The following LAMA2 variants were observed in gnomAD, a reference collection of about 807,000 sequenced individuals.
The protein encoded by LAMA2 is laminin subunit alpha 2, also known as laminin subunit alpha-2.
A neutral mutation model predicts 364.8 loss-of-function variants in LAMA2; 269 were observed. The ratio of observed to expected loss-of-function variants is 0.74; its 90% CI spans 0.67 to 0.82. The LOEUF is 0.82. Among genes scored for constraint, LAMA2 ranks in the 40% least tolerant of loss-of-function variants. LAMA2 has a pLI of 0.00. For synonymous variants in LAMA2, 1,379 were observed against 1,370.6 expected (o/e 1.01, Z -0.14); for missense variants, 3,807 against 3,873.2 (o/e 0.98, Z 0.45).
chr6:129,112,770 T>C (rs1262884002), intron 4 of LAMA2, among the ~76,000 whole-genome samples: 1 of 151,402 alleles, frequency 6.6e-6, no homozygotes, highest in Non-Finnish European at 1.5e-5. Flanking sequence ...GGGAACTGTG[T>C]GGTTGCCACA....
At chr6:129,042,696 C>A (rs1459267095) in intron 1 of LAMA2, among the ~76,000 whole-genome samples, 1 of 152,102 alleles carries the variant, frequency 6.6e-6, no homozygotes, top group Non-Finnish European at 1.5e-5. Context: ...CAAAGGCAAC[C>A]ATTTTTCCTG....
intron 34 of LAMA2, among the ~76,000 whole-genome samples, chr6:129,372,276 C>T (rs1456241686): frequency 2.6e-5 from 4 of 152,190 alleles, no homozygotes; most frequent in East Asian, 1.9e-4. Flanking sequence ...TTTTACTGCC[C>T]GAAAACTCCT....
chr6:129,081,614 GA>G (rs1441944641), intron 3 of LAMA2, among the ~76,000 whole-genome samples: 2 of 152,150 alleles, frequency 1.3e-5, no homozygotes, highest in African/African-American at 4.8e-5. Context: ...ATTTGAGAAA[GA>G]TTATCATTGG....
At chr6:129,252,420 C>T in intron 14 of LAMA2, 125 bp downstream of exon 14, 1 of 706,144 alleles carries the variant, frequency 1.4e-6, no homozygotes, top group Non-Finnish European at 2.5e-6. Context: ...CAGATAAGAA[C>T]GGAGCCCTAG....
chr6:129,434,319 A>G (rs1049099725), intron 41 of LAMA2, among the ~76,000 whole-genome samples: 1 of 152,068 alleles, frequency 6.6e-6, no homozygotes, highest in Non-Finnish European at 1.5e-5. Flanking sequence ...CCATTCCCTC[A>G]TTGTGAGTCC....
intron 4 of LAMA2, among the ~76,000 whole-genome samples, chr6:129,132,237 G>A (rs1384206339): frequency 2.0e-5 from 3 of 151,300 alleles, no homozygotes; most frequent in African/African-American, 7.3e-5. Context: ...CACAATCTCG[G>A]CTCACTGCAA....
chr6:129,015,701 A>C (rs1785025862), intron 1 of LAMA2, among the ~76,000 whole-genome samples: 1 of 152,078 alleles, frequency 6.6e-6, no homozygotes. Context: ...CTTTTTATGT[A>C]GTCTGCACTA....
chr6:129,042,541 C>A (rs1045351770), intron 1 of LAMA2, among the ~76,000 whole-genome samples: 1 of 151,522 alleles, frequency 6.6e-6, no homozygotes, highest in African/African-American at 2.4e-5. Flanking sequence ...TAAATTATCA[C>A]CCCGTGTAAC....
intron 12 of LAMA2, among the ~76,000 whole-genome samples, chr6:129,203,647 T>G (rs1281959444): frequency 1.3e-5 from 2 of 152,214 alleles, no homozygotes. Context: ...ATACATGACT[T>G]TTTTTCCTCC....
intron 1 of LAMA2, among the ~76,000 whole-genome samples, chr6:128,908,313 T>G (rs1311118413): frequency 8.5e-5 from 13 of 152,048 alleles, no homozygotes; most frequent in African/African-American, 2.9e-4. Context: ...CAATTTCAGA[T>G]CCTGTTATTT....
At chr6:129,305,381 G>C (rs1773801486) in intron 22 of LAMA2, among the ~76,000 whole-genome samples, 1 of 151,174 alleles carries the variant, frequency 6.6e-6, no homozygotes, top group Non-Finnish European at 1.5e-5. Context: ...CTAGAGTGCA[G>C]TGGTGTGATC....
chr6:129,426,150 C>T (rs1342887218), intron 40 of LAMA2, among the ~76,000 whole-genome samples: 1 of 152,082 alleles, frequency 6.6e-6, no homozygotes, highest in Non-Finnish European at 1.5e-5. Context: ...ACATTTTATC[C>T]CTTTCCAAAT....
At chr6:129,326,697 A>G (rs1195936989) in intron 28 of LAMA2, among the ~76,000 whole-genome samples, 2 of 145,794 alleles carry the variant, frequency 1.4e-5, no homozygotes, top group East Asian at 3.9e-4. Context: ...TTTTATATAT[A>G]TATAATTTTA....
chr6:129,156,361 G>T (rs532735491), intron 8 of LAMA2, among the ~76,000 whole-genome samples: 1 of 151,926 alleles, frequency 6.6e-6, no homozygotes, highest in East Asian at 1.9e-4. Flanking sequence ...ATTCATGTCA[G>T]TGTTCCAGTA....
Position 129,440,750 on chromosome 6 carries a change from A to G in LAMA2, c.6086-66A>G, listed in dbSNP as rs1782065684. The G allele has an allele frequency of 2.2e-6, 3 of 1,393,414 alleles. No homozygotes were observed. In the East Asian group the frequency reaches 6.8e-5, roughly 32 times the overall value. 86.3% of individuals were successfully genotyped at this position (1,393,414 alleles called of 1,614,324 possible). On this transcript the variant is annotated intron_variant, in intron 42 of 64. Transcript: ENST00000421865. Reference sequence around the variant, plus strand: ...CAGCCAGCCACAGCCTCGCTTTGTCAAGCATGGATTAAGCCACTAACTCCA... The same window carrying G: ...CAGCCAGCCACAGCCTCGCTTTGTCGAGCATGGATTAAGCCACTAACTCCA...
At chr6:128,930,062 G>A in intron 1 of LAMA2, 1 of 365,804 alleles carries the variant, frequency 2.7e-6, no homozygotes, top group South Asian at 3.3e-5. Flanking sequence ...GCCCTGCAGG[G>A]CCGGCCGGCA....
chr6:129,177,858 A>G lies in LAMA2; in HGVS notation c.1459A>G (p.Ile487Val). Residue 487 changes from isoleucine (I) to valine (V), a missense_variant, in exon 10 of 65, where the codon ATC becomes GTC. Ile to Val is a conservative substitution (Grantham distance 29). Around this residue, in one of 3 missense-constraint regions of LAMA2, gnomAD observed 3,333 missense variants for 3,345.7 expected, o/e 1.00. Coordinates refer to ENST00000421865, the MANE Select transcript of LAMA2 (RefSeq NM_000426.4). ...KNEDPCFGPC[I>V]CKENVEGGDC... is the part of the protein sequence containing the mutation. ...TGAGGATCCTTGTTTTGGCCCCTGT[A>G]TCTGCAAGGTACATTGTTTATTCCA... 6.2e-7 allele frequency: 1 copy of G among 1,613,840 alleles called. No homozygotes were observed. Among genetic ancestry groups the G allele is most frequent in the Non-Finnish European group, 8.5e-7 (1 of 1,179,846 alleles).
intron 29 of LAMA2, among the ~76,000 whole-genome samples, chr6:129,339,751 T>C (rs941266020): frequency 2.6e-5 from 4 of 152,046 alleles, no homozygotes; most frequent in Non-Finnish European, 4.4e-5. Flanking sequence ...CCGCCTGTAA[T>C]CCCAACACTT....
chr6:129,333,759 G>A (rs1775789710), intron 29 of LAMA2, among the ~76,000 whole-genome samples: 1 of 151,944 alleles, frequency 6.6e-6, no homozygotes, highest in Admixed American at 6.6e-5. Context: ...ATCTTCACTG[G>A]CATTTTTAGC....
Sources: allele counts gnomAD v4.1 joint callset (sites outside exome capture counted in the v4.1 genomes callset), GRCh38; gene constraint gnomAD v4.1.1; regional missense constraint gnomAD v4.1.1; transcripts MANE v1.5; gene names NCBI Gene and HGNC (gene_info 2026-07-23, HGNC 2026-07-21).